The following KANK1 variants were observed in gnomAD, a reference collection of about 807,000 sequenced individuals.
The protein encoded by KANK1 is KN motif and ankyrin repeat domains 1.
In KANK1, 109 loss-of-function variants were observed where a neutral mutation model predicts 106.2. The observed-to-expected ratio is 1.03, with a 90% CI of 0.88 to 1.20. The LOEUF (loss-of-function observed/expected upper bound fraction) is 1.20, where lower values mean the gene tolerates loss of function less well. KANK1 is among the 50% of genes most tolerant of loss of function. The pLI, the probability that KANK1 is intolerant of heterozygous loss-of-function variation, is 0.00. For synonymous variants in KANK1, 873 were observed against 652.2 expected (o/e 1.34, Z -5.16); for missense variants, 2,399 against 1,710.7 (o/e 1.40, Z -7.10).
chr9:732,462 T>G lies in KANK1; in HGVS notation c.3090T>G (p.Tyr1030Ter). 6.2e-7 allele frequency: 1 copy of G among 1,614,088 alleles called. No homozygotes were observed. The highest frequency in any genetic ancestry group is 8.5e-7 in the Non-Finnish European group (1 of 1,180,006). Residue 1030 changes from tyrosine (Y) to a stop codon, truncating the protein, a stop_gained, in exon 6 of 12, where the codon TAT (tyrosine) becomes TAG (stop). Transcript: ENST00000382297. LOFTEE classifies it high-confidence loss of function. ...ESDDECDVIE[Y>*]PLEEEEEEED... ...ATGACGAGTGTGATGTCATTGAGTATCCTCTTGAAGAAGAGGAGGAGGAGG... is the reference window on the plus strand; with the variant it reads ...ATGACGAGTGTGATGTCATTGAGTAGCCTCTTGAAGAAGAGGAGGAGGAGG...
chr9:709,597 A>C (rs1306342494), intron 2 of KANK1, among the ~76,000 whole-genome samples: 1 of 149,748 alleles, frequency 6.7e-6, no homozygotes, highest in Non-Finnish European at 1.5e-5. Flanking sequence ...TCTACTGGAC[A>C]ATGCTTTCAT....
chr9:661,524 T>G (rs1385686750), intron 1 of KANK1, among the ~76,000 whole-genome samples: 1 of 152,190 alleles, frequency 6.6e-6, no homozygotes, highest in Admixed American at 6.5e-5. Flanking sequence ...CAGTCTATCA[T>G]TGATGGGCAT....
intron 3 of KANK1, among the ~76,000 whole-genome samples, chr9:490,751 G>C (rs1183884005): frequency 6.6e-6 from 1 of 152,068 alleles, no homozygotes; most frequent in African/African-American, 2.4e-5. Context: ...ATTTATTGTT[G>C]AGCACATATT....
intron 1 of KANK1, chr9:660,277 T>TA (rs1371543363): frequency 8.5e-6 from 2 of 235,896 alleles, no homozygotes; most frequent in African/African-American, 4.6e-5. Context: ...CAGTTCCTCT[T>TA]AGAGATTGGA....
intron 3 of KANK1, among the ~76,000 whole-genome samples, chr9:717,561 G>A (rs190177185): frequency 5.3e-4 from 81 of 152,286 alleles, no homozygotes; most frequent in African/African-American, 1.9e-3. Context: ...ACCTGATAGT[G>A]ACCAGAGGTG....
chr9:607,484 C>CAAA lies in KANK1; in HGVS notation c.-83-69385_-83-69383dup, dbSNP rs760884670. ...TGGGCGTTACAGCAAGACTCCATCT[C>CAAA]AAAAAAAAAAAAAAAAAAAAAAAGG... On this transcript the variant is annotated intron_variant, in intron 1 of 11. Transcript: ENST00000382297. Among the ~76,000 whole-genome samples, 109 of 61,078 alleles carry CAAA rather than the reference C, an allele frequency of 1.8e-3. 1 individual carries two copies. Among genetic ancestry groups the CAAA allele is most frequent in the African/African-American group, 5.5e-3 (94 of 17,204 alleles). The allele number at this position is 61,078 out of a possible 152,430, so 40.1% of individuals were successfully genotyped here. A position where few individuals can be genotyped will look rare whatever the true frequency, so the allele number is the denominator to read the frequency against.
chr9:559,988 A>G (rs1174534716), intron 1 of KANK1, among the ~76,000 whole-genome samples: 1 of 152,224 alleles, frequency 6.6e-6, no homozygotes, highest in East Asian at 1.9e-4. Flanking sequence ...TCGTCTTAGA[A>G]GAGAAGTTTC....
chr9:614,355 A>G (rs1019227887), intron 1 of KANK1, among the ~76,000 whole-genome samples: 2 of 152,174 alleles, frequency 1.3e-5, no homozygotes, highest in African/African-American at 4.8e-5. Context: ...TCTTTTACCC[A>G]TTTCCATCTT....
At chr9:610,218 CACTT>C (rs141814595) in intron 1 of KANK1, among the ~76,000 whole-genome samples, 1,970 of 152,248 alleles carry the variant, frequency 0.013, 39 homozygotes, top group African/African-American at 0.045. Flanking sequence ...TTTGGTTGAA[CACTT>C]ACGTTTATCA....
chr9:611,683 C>G (rs565596301), intron 1 of KANK1, among the ~76,000 whole-genome samples: 1 of 152,116 alleles, frequency 6.6e-6, no homozygotes, highest in African/African-American at 2.4e-5. Flanking sequence ...AGTTTATCTT[C>G]CCAGTAATAT....
At chr9:630,613 A>G (rs914387137) in intron 1 of KANK1, among the ~76,000 whole-genome samples, 1 of 151,978 alleles carries the variant, frequency 6.6e-6, no homozygotes, top group Non-Finnish European at 1.5e-5. Flanking sequence ...GGCTGCAGAA[A>G]GCTTAGGGCT....
At chr9:611,420 T>C (rs1164893107) in intron 1 of KANK1, among the ~76,000 whole-genome samples, 1 of 152,182 alleles carries the variant, frequency 6.6e-6, no homozygotes, top group Non-Finnish European at 1.5e-5. Context: ...CAAGTAATGA[T>C]TGAACTTGGA....
At chr9:738,607 A>C in intron 8 of KANK1, 103 bp downstream of exon 8, 2 of 889,402 alleles carry the variant, frequency 2.2e-6, no homozygotes, top group Non-Finnish European at 3.6e-6. Context: ...TGACCATGCT[A>C]AAATCCTTTT....
chr9:731,232 A>G lies in KANK1; in HGVS notation c.2971A>G (p.Lys991Glu). The G allele has an allele frequency of 6.2e-7, 1 of 1,610,166 alleles. No individual in the cohort carries two copies. The highest frequency in any genetic ancestry group is 8.5e-7 in the Non-Finnish European group (1 of 1,176,540). ...TGGTAACAAAGATTCAAATGGCGCA[A>G]AAAAGAATCTTCAGTTTGTTGGCAT... The part of the protein sequence containing the change: ...KDGNKDSNGA[K>E]KNLQFVGING... Residue 991 changes from lysine to glutamate, a missense_variant, in exon 5 of 12, where the codon AAA (lysine) becomes GAA (glutamate). Transcript: ENST00000382297.
intron 1 of KANK1, among the ~76,000 whole-genome samples, chr9:669,181 G>C (rs1051002324): frequency 3.9e-5 from 6 of 152,170 alleles, no homozygotes; most frequent in Middle Eastern, 3.2e-3. Context: ...GTAGCTGTTA[G>C]GGTTTTTGAT....
chr9:611,462 C>T (rs1367922519), intron 1 of KANK1, among the ~76,000 whole-genome samples: 1 of 152,190 alleles, frequency 6.6e-6, no homozygotes, highest in African/African-American at 2.4e-5. Context: ...TCCTCTGTCT[C>T]TCATGCTTTT....
At chr9:702,194 G>C (rs1050950473) in intron 2 of KANK1, among the ~76,000 whole-genome samples, 1 of 149,250 alleles carries the variant, frequency 6.7e-6, no homozygotes, top group Non-Finnish European at 1.5e-5. Flanking sequence ...GGAGGAAATG[G>C]ACTCTGTGAC....
chr9:732,455 T>C lies in KANK1; in HGVS notation c.3083T>C (p.Ile1028Thr), dbSNP rs148298415. 9 of 1,613,958 alleles carry C rather than the reference T, an allele frequency of 5.6e-6. No homozygotes were observed. Among genetic ancestry groups the C allele is most frequent in the African/African-American group, 4.0e-5 (3 of 74,886 alleles). Residue 1028 changes from isoleucine to threonine, a missense_variant, in exon 6 of 12, where the codon ATT becomes ACT. Physicochemically the swap from Ile to Thr is moderately conservative, Grantham distance 89. Coordinates refer to ENST00000382297, the MANE Select transcript of KANK1 (RefSeq NM_015158.5). ...GAGTCAGATGACGAGTGTGATGTCA[T>C]TGAGTATCCTCTTGAAGAAGAGGAG... ...SSESDDECDVIEYPLEEEEEE... is the reference protein window; with the variant it reads ...SSESDDECDVTEYPLEEEEEE...
At chr9:744,651 T>C (rs1006425758) in intron 11 of KANK1, 62 bp downstream of exon 11, 1 of 1,612,988 alleles carries the variant, frequency 6.2e-7, no homozygotes, top group Non-Finnish European at 8.5e-7. Context: ...GTGGACCCCC[T>C]TCCTCCAGGA....
Sources: allele counts gnomAD v4.1 joint callset (sites outside exome capture counted in the v4.1 genomes callset), GRCh38; gene constraint gnomAD v4.1.1; transcripts MANE v1.5; gene names NCBI Gene and HGNC (gene_info 2026-07-23, HGNC 2026-07-21).